The following ZC3H12A variants were observed in gnomAD, a reference collection of about 807,000 sequenced individuals.
ZC3H12A encodes the protein zinc finger CCCH-type containing 12A, also known as endoribonuclease ZC3H12A.
In ZC3H12A, 9 loss-of-function variants were observed where a neutral mutation model predicts 29.9. The ratio of observed to expected loss-of-function variants is 0.30; its 90% CI spans 0.18 to 0.53. The LOEUF is 0.53. Among genes scored for constraint, ZC3H12A ranks in the 20% least tolerant of loss-of-function variants. The probability of loss-of-function intolerance (pLI) is 0.96; values close to 1 mark genes in which losing one functional copy is unlikely to be tolerated. For synonymous variants in ZC3H12A, 323 were observed against 338.1 expected (o/e 0.96, Z 0.49); for missense variants, 617 against 799.0 (o/e 0.77, Z 2.75).
Position 37,483,055 on chromosome 1 carries a change from TTGGGCCCACAGACTGG to T in ZC3H12A, c.1245_1260del (p.Gly416SerfsTer152), listed in dbSNP as rs1268284702. ...CCTAGCGGGGGCAGTGGCAGCAGCT[TTGGGCCCACAGACTGG>T]CTCCCACAGACGCTGGACTCACTCC... On this transcript the variant is annotated frameshift_variant, in exon 6 of 6. Coordinates refer to ENST00000373087, the MANE Select transcript of ZC3H12A (RefSeq NM_025079.3). LOFTEE classifies it low-confidence loss of function (END_TRUNC). The T allele has an allele frequency of 1.2e-6, 2 of 1,608,474 alleles. No individual in the cohort carries two copies. The highest frequency in any genetic ancestry group is 1.7e-6 in the Non-Finnish European group (2 of 1,177,844).
intron 2 of ZC3H12A, 92 bp from the exon 3 acceptor site, chr1:37,480,198 G>A (rs1412101894): frequency 1.3e-6 from 2 of 1,534,644 alleles, no homozygotes; most frequent in Non-Finnish European, 1.8e-6. Context: ...CCAGGGCAGG[G>A]GTGGGGTGTG....
intron 2 of ZC3H12A, chr1:37,480,048 G>A: frequency 8.0e-7 from 1 of 1,253,196 alleles, no homozygotes; most frequent in Non-Finnish European, 1.0e-6. Context: ...TGGCCATCCT[G>A]GAGCTGTGGG....
rs1375136881 is a variant in ZC3H12A at position 37,483,508 on chromosome 1, C to T, written c.1697C>T (p.Pro566Leu). 5.0e-6 allele frequency: 8 copies of T among 1,613,928 alleles called. No individual in the cohort carries two copies. The highest frequency in any genetic ancestry group is 2.2e-5 in the East Asian group (1 of 44,880). ...ACTAAGCTGTGTGGTGTGTTTCCCC[C>T]GCACCTGGTGGAGGCTGTGATGGGG... is the stretch of plus-strand genomic sequence containing the variant. The part of the protein sequence containing the change: ...VYTKLCGVFP[P>L]HLVEAVMGRF... Residue 566 changes from proline to leucine, a missense_variant, in exon 6 of 6, where the codon CCG becomes CTG. By Grantham distance (98) the Pro-to-Leu change is moderately conservative. This residue lies in a region of ZC3H12A where 172 missense variants were observed against 203.1 expected (regional missense o/e 0.85). Transcript: ENST00000373087.
chr1:37,478,840 G>A lies in ZC3H12A; in HGVS notation c.444-1450G>A. The A allele has an allele frequency of 1.0e-6, 1 of 985,386 alleles. No individual in the cohort carries two copies. The highest frequency in any genetic ancestry group is 1.2e-6 in the Non-Finnish European group (1 of 829,926). The allele number at this position is 985,386 out of a possible 1,614,324, so 61.0% of individuals were successfully genotyped here. On this transcript the variant is annotated intron_variant, in intron 2 of 5. Transcript: ENST00000373087. The surrounding 1 kb of genome is among the most constrained non-coding windows in gnomAD (Gnocchi z 5.2). Reference sequence around the variant, plus strand: ...CTGGTTCACAGCTCTCAGCAAATGGGAACTTTTATTATAAGCAGGCTGGCA... The same window carrying A: ...CTGGTTCACAGCTCTCAGCAAATGGAAACTTTTATTATAAGCAGGCTGGCA...
rs766070801 is a variant in ZC3H12A at position 37,483,168 on chromosome 1, G to C, written c.1357G>C (p.Val453Leu). 5 of 1,613,366 alleles carry C rather than the reference G, an allele frequency of 3.1e-6. No homozygotes were observed. The highest frequency in any genetic ancestry group is 2.7e-5 in the African/African-American group (2 of 74,916). Residue 453 changes from valine to leucine, a missense_variant, in exon 6 of 6, where the codon GTT (valine) becomes CTT (leucine). Val to Leu is a conservative substitution (Grantham distance 32). This residue lies in a region of ZC3H12A where 172 missense variants were observed against 203.1 expected (regional missense o/e 0.85). Transcript: ENST00000373087. ...GAGCCAGATGTCGGAACTTTGGGGG[G>C]TTCGAGGAGGAGGCCCTGGTGAGCC... Reference protein sequence around the residue: ...LESQMSELWGVRGGGPGEPGP... With the variant: ...LESQMSELWGLRGGGPGEPGP...
intron 2 of ZC3H12A, among the ~76,000 whole-genome samples, chr1:37,477,850 T>C (rs1340458289): frequency 1.3e-5 from 2 of 152,208 alleles, no homozygotes; most frequent in Non-Finnish European, 2.9e-5. Context: ...CCTCATGTGC[T>C]CTACCAGGAG....
At position 37,483,350 on chromosome 1, in the gene ZC3H12A, G is replaced by A. The variant is rs1569930735; in HGVS notation, c.1539G>A (p.Glu513=). 1 of 1,614,176 alleles carries A rather than the reference G, an allele frequency of 6.2e-7. No homozygotes were observed. The highest frequency in any genetic ancestry group is 8.5e-7 in the Non-Finnish European group (1 of 1,180,030). ...PPAPPAFPPR[E]YWSEPYPLPP... Reference sequence around the variant, plus strand: ...CGCCCCCTGCCTTTCCACCTCGAGAGTACTGGTCTGAACCATACCCACTGC... The same window carrying A: ...CGCCCCCTGCCTTTCCACCTCGAGAATACTGGTCTGAACCATACCCACTGC... Residue 513 remains glutamate, a synonymous_variant, in exon 6 of 6, where the codon GAG becomes GAA. Coordinates refer to ENST00000373087, the MANE Select transcript of ZC3H12A (RefSeq NM_025079.3).
chr1:37,477,467 C>G (rs552674145), intron 2 of ZC3H12A, among the ~76,000 whole-genome samples: 1 of 152,162 alleles, frequency 6.6e-6, no homozygotes, highest in Non-Finnish European at 1.5e-5. Context: ...AGCTGCTACT[C>G]GGTTCCTGCC....
rs2148039329 is a variant in ZC3H12A at position 37,475,246 on chromosome 1, C to A, written c.-38-213C>A. Among the ~76,000 whole-genome samples the A allele has an allele frequency of 6.6e-6, 1 of 152,344 alleles. No homozygotes were observed. The highest frequency in any genetic ancestry group is 1.5e-5 in the Non-Finnish European group (1 of 68,036). On this transcript the variant is annotated intron_variant, in intron 1 of 5. Coordinates refer to ENST00000373087, the MANE Select transcript of ZC3H12A (RefSeq NM_025079.3). The surrounding 1 kb of genome is among the most constrained non-coding windows in gnomAD (Gnocchi z 5.2). Reference sequence around the variant, plus strand: ...AGCCACCAGCTAACAGCTGGATGACCTTGAGCACGTTTTTAATGTCTGTGC... The same window carrying A: ...AGCCACCAGCTAACAGCTGGATGACATTGAGCACGTTTTTAATGTCTGTGC...
In ZC3H12A at chr1:37,476,414, T is replaced by C. The variant is rs1641592665; in HGVS notation, c.443+475T>C. Among the ~76,000 whole-genome samples, 1 of 152,240 alleles carries C rather than the reference T, an allele frequency of 6.6e-6. No homozygotes were observed. Among genetic ancestry groups the C allele is most frequent in the African/African-American group, 2.4e-5 (1 of 41,466 alleles). ...GTTGTTATTTCAGGGGCTGGGCTTC[T>C]GAGGCCTTCTTGTCTCAGACCTGGG... On this transcript the variant is annotated intron_variant, in intron 2 of 5. Transcript: ENST00000373087. This position sits in a 1 kb window ranked among gnomAD's most constrained non-coding sequence, Gnocchi z 6.0.
Position 37,476,847 on chromosome 1 carries a change from T to C in ZC3H12A, c.443+908T>C, listed in dbSNP as rs143097373. On this transcript the variant is annotated intron_variant, in intron 2 of 5. Coordinates refer to ENST00000373087, the MANE Select transcript of ZC3H12A (RefSeq NM_025079.3). This position sits in a 1 kb window ranked among gnomAD's most constrained non-coding sequence, Gnocchi z 6.0. ...GATGGCTCACAGGGAAAAGTTCCTG[T>C]TGGCATGGACGGGGAGACCCCAGAC... Among the ~76,000 whole-genome samples the C allele has an allele frequency of 1.4e-4, 22 of 152,326 alleles. No individual in the cohort carries two copies. In the East Asian group the frequency reaches 4.2e-3, roughly 29 times the overall value.
At position 37,478,646 on chromosome 1, in the gene ZC3H12A, C is replaced by T. The variant is rs935778285; in HGVS notation, c.444-1644C>T. 1.3e-5 allele frequency among the ~76,000 whole-genome samples: 2 copies of T among 152,146 alleles called. No homozygotes were observed. ...GTACAGGGTAGTGATAAGCATAGGCCCTGGGCTTGCGTCTCTCTTCCACCG... is the reference window on the plus strand; with the variant it reads ...GTACAGGGTAGTGATAAGCATAGGCTCTGGGCTTGCGTCTCTCTTCCACCG... On this transcript the variant is annotated intron_variant, in intron 2 of 5. Transcript: ENST00000373087. This position sits in a 1 kb window ranked among gnomAD's most constrained non-coding sequence, Gnocchi z 5.2.
At position 37,481,789 on chromosome 1, in the gene ZC3H12A, C is replaced by T. The variant is rs1192005707; in HGVS notation, c.772C>T (p.Arg258Cys). ...DLQGERQEWK[R>C]FIEERLLMYS... ...CCAAGGCGAGCGGCAGGAGTGGAAG[C>T]GCTTCATCGAGGAGCGGCTGCTCAT... The change falls in exon 4 of 6, where the codon CGC (arginine) becomes TGC (cysteine). Residue 258 changes from arginine (R) to cysteine (C), a missense_variant. Physicochemically the swap from Arg to Cys is radical, Grantham distance 180. Coordinates refer to ENST00000373087, the MANE Select transcript of ZC3H12A (RefSeq NM_025079.3). 20 of 1,614,196 alleles carry T rather than the reference C, an allele frequency of 1.2e-5. No individual in the cohort carries two copies. The highest frequency in any genetic ancestry group is 1.6e-5 in the Non-Finnish European group (19 of 1,180,034).
At chr1:37,474,778 G>A (rs1423615086) in intron 1 of ZC3H12A, 149 bp downstream of exon 1, 1 of 152,268 alleles carries the variant, frequency 6.6e-6, no homozygotes, top group African/African-American at 2.4e-5. Context: ...CCTGTTCCCC[G>A]GCCCGCCGGG....
rs964632103 is a variant in ZC3H12A, at chr1:37,481,718, A to G, written c.701A>G (p.Tyr234Cys). Residue 234 changes from tyrosine to cysteine, a missense_variant, in exon 4 of 6, where the codon TAC (tyrosine) becomes TGC (cysteine). Physicochemically the swap from Tyr to Cys is radical, Grantham distance 194 (BLOSUM62 -2). This residue lies in a region of ZC3H12A where 255 missense variants were observed against 402.5 expected (regional missense o/e 0.63). Transcript: ENST00000373087. ...YDDRFIVKLAYESDGIVVSND... is the reference protein window; with the variant it reads ...YDDRFIVKLACESDGIVVSND... ...GACAGATTCATTGTGAAGCTGGCCT[A>G]CGAGTCTGACGGGATCGTGGTTTCC... 2.9e-5 allele frequency: 47 copies of G among 1,614,126 alleles called. No individual in the cohort carries two copies. Among genetic ancestry groups the G allele is most frequent in the African/African-American group, 4.0e-5 (3 of 74,958 alleles).
rs1360445034 is a variant in ZC3H12A at position 37,482,817 on chromosome 1, G to A, written c.1006G>A (p.Glu336Lys). 7 of 1,614,030 alleles carry A rather than the reference G, an allele frequency of 4.3e-6. No homozygotes were observed. Among genetic ancestry groups the A allele is most frequent in the Non-Finnish European group, 5.9e-6 (7 of 1,180,038 alleles). ...PSCPQRSVAD[E>K]LRANALLSPP... Reference sequence around the variant, plus strand: ...CTGCCCCCAGCGCTCTGTGGCAGATGAGCTCCGTGCCAATGCTCTCCTCTC... The same window carrying A: ...CTGCCCCCAGCGCTCTGTGGCAGATAAGCTCCGTGCCAATGCTCTCCTCTC... The change falls in exon 6 of 6, where the codon GAG becomes AAG. Residue 336 changes from glutamate to lysine, a missense_variant. By Grantham distance (56) the Glu-to-Lys change is moderately conservative (BLOSUM62 1). This residue lies in a region of ZC3H12A where 255 missense variants were observed against 402.5 expected (regional missense o/e 0.63). Transcript: ENST00000373087.
Position 37,482,479 on chromosome 1 carries a change from G to T in ZC3H12A, c.864G>T (p.Leu288=). Residue 288 remains leucine (L), a synonymous_variant, in exon 5 of 6, where the codon CTG becomes CTT. Coordinates refer to ENST00000373087, the MANE Select transcript of ZC3H12A (RefSeq NM_025079.3). ...DDPLGRHGPS[L]DNFLRKKPLT... is the part of the protein sequence containing the mutation. ...CACTGGGCCGGCACGGGCCCAGCCTGGACAACTTCCTGCGTAAGAAGCCAC... is the reference window on the plus strand; with the variant it reads ...CACTGGGCCGGCACGGGCCCAGCCTTGACAACTTCCTGCGTAAGAAGCCAC... 6.2e-7 allele frequency: 1 copy of T among 1,614,100 alleles called. No individual in the cohort carries two copies. The highest frequency in any genetic ancestry group is 1.7e-5 in the Admixed American group (1 of 60,024).
At chr1:37,480,246 A>T in intron 2 of ZC3H12A, 44 bp from the exon 3 acceptor site, 1 of 1,590,204 alleles carries the variant, frequency 6.3e-7, no homozygotes, top group African/African-American at 1.3e-5. Flanking sequence ...AGGGGGTGGC[A>T]GGCTGGCCAT....
Position 37,483,679 on chromosome 1 carries a change from T to C in ZC3H12A, c.*68T>C. ...GCCGTCAGGCTGGGCTTTGGGCCAT[T>C]GAGCAGCCCATTCCCAGCCCTGAGG... On this transcript the variant is annotated 3_prime_UTR_variant, in exon 6 of 6. Transcript: ENST00000373087. The C allele has an allele frequency of 6.7e-7, 1 of 1,481,866 alleles. No individual in the cohort carries two copies. The highest frequency in any genetic ancestry group is 2.5e-5 in the East Asian group (1 of 40,634). The allele number at this position is 1,481,866 out of a possible 1,614,324, so 91.8% of individuals were successfully genotyped here. A position where few individuals can be genotyped will look rare whatever the true frequency, so the allele number is the denominator to read the frequency against.
Sources: gnomAD v4.1 joint callset for allele counts (sites outside exome capture counted in the v4.1 genomes callset) on GRCh38, gnomAD v4.1.1 for gene constraint, gnomAD v4.1.1 regional missense constraint, Gnocchi (gnomAD v3.1) non-coding constraint, MANE v1.5 for transcripts, NCBI Gene and HGNC (gene_info 2026-07-23, HGNC 2026-07-21) for gene names.